Variants in ADCK1 observed in about 807,000 individuals in gnomAD.
ADCK1 encodes the protein aarF domain containing kinase 1.
Under a neutral mutation model 52.3 loss-of-function variants are expected in ADCK1, and 41 were observed. The ratio of observed to expected loss-of-function variants is 0.78; its 90% CI spans 0.61 to 1.02. The LOEUF (loss-of-function observed/expected upper bound fraction) is 1.02, where lower values mean the gene tolerates loss of function less well. Among genes scored for constraint, ADCK1 ranks in the 50% least tolerant of loss-of-function variants. ADCK1 has a pLI of 0.00. For missense variants in ADCK1, 658 were observed against 679.5 expected (o/e 0.97, Z 0.35); for synonymous variants, 250 against 274.6 (o/e 0.91, Z 0.89).
At chr14:77,864,031 C>T (rs756212015) in intron 4 of ADCK1, among the ~76,000 whole-genome samples, 1 of 152,054 alleles carries the variant, frequency 6.6e-6, no homozygotes, top group South Asian at 2.1e-4. Flanking sequence ...CTTTTGTACT[C>T]TGAAATTTGT....
chr14:77,870,233 A>G (rs2082747009), intron 4 of ADCK1, among the ~76,000 whole-genome samples: 2 of 152,232 alleles, frequency 1.3e-5, no homozygotes, highest in African/African-American at 4.8e-5. Context: ...GGTAACAGCT[A>G]TGTTCATGTA....
chr14:77,835,659 A>T (rs939163638), intron 3 of ADCK1, among the ~76,000 whole-genome samples: 7 of 152,066 alleles, frequency 4.6e-5, no homozygotes, highest in African/African-American at 1.7e-4. Flanking sequence ...GGAAAGCCTC[A>T]CTCTGGTGTC....
chr14:77,836,465 T>C (rs1278433051), intron 3 of ADCK1, among the ~76,000 whole-genome samples: 1 of 152,218 alleles, frequency 6.6e-6, no homozygotes, highest in Non-Finnish European at 1.5e-5. Context: ...AAGAAACTGA[T>C]GAACAGACGG....
intron 4 of ADCK1, among the ~76,000 whole-genome samples, chr14:77,868,084 T>C (rs1232249680): frequency 2.0e-5 from 3 of 152,236 alleles, no homozygotes; most frequent in Non-Finnish European, 1.5e-5. Flanking sequence ...AAATACTGAC[T>C]CTGTTTGTTC....
intron 4 of ADCK1, among the ~76,000 whole-genome samples, chr14:77,886,166 C>T (rs2083142561): frequency 6.6e-6 from 1 of 152,196 alleles, no homozygotes; most frequent in Admixed American, 6.5e-5. Flanking sequence ...AGTGGCCAGG[C>T]TGGGAGTGGA....
At chr14:77,859,012 G>T in intron 3 of ADCK1, 64 bp from the exon 4 acceptor site, 1 of 1,454,686 alleles carries the variant, frequency 6.9e-7, no homozygotes. Flanking sequence ...GGAAGGTGAA[G>T]GGAACAAGGT....
chr14:77,929,368 C>T (rs1230906961), intron 9 of ADCK1, among the ~76,000 whole-genome samples: 3 of 152,204 alleles, frequency 2.0e-5, no homozygotes, highest in Non-Finnish European at 4.4e-5. Flanking sequence ...TTCAAGATGA[C>T]TGTGTGGTTC....
At chr14:77,816,794 T>G (rs750417185) in intron 1 of ADCK1, among the ~76,000 whole-genome samples, 35 of 150,348 alleles carry the variant, frequency 2.3e-4, no homozygotes, top group Non-Finnish European at 4.6e-4. Context: ...TTGTGACTGA[T>G]GTTGTGGGGG....
intron 4 of ADCK1, among the ~76,000 whole-genome samples, chr14:77,865,952 A>G (rs1010293656): frequency 2.6e-5 from 4 of 151,886 alleles, no homozygotes; most frequent in African/African-American, 7.3e-5. Context: ...GTTCTGAGAG[A>G]CTCGTAAATG....
intron 10 of ADCK1, 23 bp downstream of exon 10, chr14:77,931,734 C>T (rs1270287588): frequency 6.3e-7 from 1 of 1,592,720 alleles, no homozygotes; most frequent in African/African-American, 1.3e-5. Flanking sequence ...TCCTCCCTCT[C>T]CTCCCCTCCT....
intron 9 of ADCK1, among the ~76,000 whole-genome samples, chr14:77,928,712 G>A (rs572748686): frequency 3.3e-5 from 5 of 152,144 alleles, no homozygotes; most frequent in African/African-American, 1.2e-4. Flanking sequence ...CACCCATCTC[G>A]GCCTCCCAAA....
intron 1 of ADCK1, among the ~76,000 whole-genome samples, chr14:77,809,725 A>G (rs2081298247): frequency 3.9e-5 from 6 of 151,954 alleles, no homozygotes. Flanking sequence ...TTCAGTAACA[A>G]ATAAATGAGG....
At chr14:77,911,720 C>T (rs2083794799) in intron 7 of ADCK1, among the ~76,000 whole-genome samples, 1 of 151,052 alleles carries the variant, frequency 6.6e-6, no homozygotes, top group African/African-American at 2.4e-5. Flanking sequence ...TCTCTTCTAC[C>T]TCCCCAGCTT....
intron 3 of ADCK1, among the ~76,000 whole-genome samples, chr14:77,829,902 G>T (rs2081803867): frequency 6.6e-6 from 1 of 151,108 alleles, no homozygotes; most frequent in Non-Finnish European, 1.5e-5. Flanking sequence ...AGGTGATTTT[G>T]GCTGAGCGTG....
chr14:77,841,429 A>G (rs892650616), intron 3 of ADCK1, among the ~76,000 whole-genome samples: 4 of 152,072 alleles, frequency 2.6e-5, no homozygotes, highest in Non-Finnish European at 5.9e-5. Context: ...GGGATCTGCT[A>G]TTGGATCTTT....
chr14:77,857,236 C>G (rs987649177), intron 3 of ADCK1, among the ~76,000 whole-genome samples: 7 of 152,066 alleles, frequency 4.6e-5, no homozygotes, highest in Non-Finnish European at 8.8e-5. Context: ...TTGCTTGAGC[C>G]TGGGAGATGG....
In ADCK1 at chr14:77,830,113, A is replaced by G. The variant is rs116437887; in HGVS notation, c.219+7595A>G. Among the ~76,000 whole-genome samples the G allele has an allele frequency of 6.4e-3, 966 of 151,194 alleles. 21 individuals are homozygous for G. Among genetic ancestry groups the G allele is most frequent in the African/African-American group, 0.022 (900 of 41,424 alleles). ...ATTTATTAAGCCTTTGGTGATTGAG[A>G]ATGCTTAAAGTTATTGCATCATTAA... On this transcript the variant is annotated intron_variant, in intron 3 of 10. Transcript: ENST00000238561.
At chr14:77,858,902 C>G (rs1476194416) in intron 3 of ADCK1, among the ~76,000 whole-genome samples, 174 bp from the exon 4 acceptor site, 1 of 152,080 alleles carries the variant, frequency 6.6e-6, no homozygotes, top group African/African-American at 2.4e-5. Context: ...CCCCGTGTAC[C>G]AGGAAGCTGG....
At chr14:77,889,597 C>G (rs538486466) in intron 5 of ADCK1, among the ~76,000 whole-genome samples, 6 of 152,306 alleles carry the variant, frequency 3.9e-5, no homozygotes, top group African/African-American at 1.4e-4. Context: ...GCCAGTATCC[C>G]TCAGTGTTGC....
Sources: allele counts gnomAD v4.1 joint callset (sites outside exome capture counted in the v4.1 genomes callset), GRCh38; gene constraint gnomAD v4.1.1; transcripts MANE v1.5; gene names NCBI Gene and HGNC (gene_info 2026-07-23, HGNC 2026-07-21).